Variants in GPC6 observed in about 807,000 individuals in gnomAD.
The protein encoded by GPC6 is glypican 6, also known as glypican-6.
Under a neutral mutation model 55.2 loss-of-function variants are expected in GPC6, and 14 were observed. The ratio of observed to expected loss-of-function variants is 0.25; its 90% CI spans 0.17 to 0.40. GPC6 has a LOEUF of 0.40. GPC6 is among the 10% of genes least tolerant of loss of function. GPC6 has a pLI of 1.00. For missense variants in GPC6, 641 were observed against 708.5 expected (o/e 0.90, Z 1.08); for synonymous variants, 278 against 259.6 (o/e 1.07, Z -0.68).
rs150471148 is a variant in GPC6, at chr13:93,329,635, A to G, written c.160+102019A>G. 7.5e-3 allele frequency among the ~76,000 whole-genome samples: 1,136 copies of G among 152,166 alleles called. 3 individuals carry two copies. Among genetic ancestry groups the G allele is most frequent in the Non-Finnish European group, 0.012 (816 of 67,952 alleles). On this transcript the variant is annotated intron_variant, in intron 1 of 8. Transcript: ENST00000377047. ...GTGGTTTAAAGTGTGGAGAGCCTGG[A>G]TCACTAGTCTTGCAGGAAGAATGGA... is the stretch of plus-strand genomic sequence containing the variant.
In GPC6 at chr13:93,339,972, T is replaced by C. The variant is rs1404162995; in HGVS notation, c.160+112356T>C. Among the ~76,000 whole-genome samples the C allele has an allele frequency of 2.0e-5, 3 of 151,994 alleles. No individual in the cohort carries two copies. In the South Asian group the frequency reaches 6.2e-4, roughly 31 times the overall value. ...AATGTTTATTGTATAAGTGTGCTAATGTATGGTTTAGTTAATAATAATCCA... is the reference window on the plus strand; with the variant it reads ...AATGTTTATTGTATAAGTGTGCTAACGTATGGTTTAGTTAATAATAATCCA... On this transcript the variant is annotated intron_variant, in intron 1 of 8. Transcript: ENST00000377047.
intron 1 of GPC6, among the ~76,000 whole-genome samples, chr13:93,431,644 C>T (rs1220211796): frequency 2.0e-5 from 3 of 151,992 alleles, no homozygotes; most frequent in Non-Finnish European, 4.4e-5. Context: ...TAAAATCTTA[C>T]ATATGACATA....
chr13:93,929,326 T>A (rs1185686931), intron 3 of GPC6, among the ~76,000 whole-genome samples: 1 of 152,236 alleles, frequency 6.6e-6, no homozygotes, highest in African/African-American at 2.4e-5. Flanking sequence ...ACCTTTTCCA[T>A]ACATTTTATG....
At chr13:93,440,503 AT>A (rs1271578592) in intron 1 of GPC6, among the ~76,000 whole-genome samples, 1 of 152,200 alleles carries the variant, frequency 6.6e-6, no homozygotes, top group African/African-American at 2.4e-5. Flanking sequence ...TTATTCCTTA[AT>A]GTCTTACCAA....
chr13:93,456,022 T>C (rs970596722), intron 1 of GPC6, among the ~76,000 whole-genome samples: 1 of 152,204 alleles, frequency 6.6e-6, no homozygotes, highest in East Asian at 1.9e-4. Flanking sequence ...AGTTGATGTG[T>C]TTAGGTGCTA....
rs142516689 is a variant in GPC6, at chr13:94,350,663, GTATCATATTA to G, written c.1153-31747_1153-31738del. Among the ~76,000 whole-genome samples, 616 of 152,166 alleles carry G rather than the reference GTATCATATTA, an allele frequency of 4.0e-3. 9 individuals carry two copies. Among genetic ancestry groups the G allele is most frequent in the African/African-American group, 0.014 (588 of 41,504 alleles). ...TATGATACTCATAATATGTGTGTATGTATCATATTATATATGCAAATATGTTCCCTGGAAA... is the reference window on the plus strand; with the variant it reads ...TATGATACTCATAATATGTGTGTATGTATATGCAAATATGTTCCCTGGAAA... On this transcript the variant is annotated intron_variant, in intron 6 of 8. Transcript: ENST00000377047.
chr13:93,452,967 A>G (rs1277595546), intron 1 of GPC6, among the ~76,000 whole-genome samples: 1 of 152,204 alleles, frequency 6.6e-6, no homozygotes, highest in Non-Finnish European at 1.5e-5. Flanking sequence ...AGCATGACAT[A>G]CCTTTGCACA....
upstream of GPC6, among the ~76,000 whole-genome samples, chr13:93,221,950 T>C (rs1594036614): frequency 6.6e-6 from 1 of 152,338 alleles, no homozygotes; most frequent in East Asian, 1.9e-4. Flanking sequence ...ATTCACCTAT[T>C]ATTTTCATTC....
intron 1 of GPC6, among the ~76,000 whole-genome samples, chr13:93,358,592 G>C (rs1269163669): frequency 1.3e-5 from 2 of 152,100 alleles, no homozygotes; most frequent in Non-Finnish European, 2.9e-5. Flanking sequence ...AACCCATCTT[G>C]AAGCAATTCA....
At chr13:93,713,894 G>T (rs914955533) in intron 2 of GPC6, among the ~76,000 whole-genome samples, 1 of 151,716 alleles carries the variant, frequency 6.6e-6, no homozygotes, top group Non-Finnish European at 1.5e-5. Flanking sequence ...GCAGAAGAAT[G>T]AAATTGGACC....
intron 3 of GPC6, among the ~76,000 whole-genome samples, chr13:93,842,858 A>G (rs1270547447): frequency 1.3e-5 from 2 of 152,088 alleles, no homozygotes; most frequent in African/African-American, 4.8e-5. Context: ...TAAAATCAAT[A>G]TGTGTGTTCA....
chr13:94,055,867 C>G (rs954171224), intron 4 of GPC6, among the ~76,000 whole-genome samples: 1 of 152,138 alleles, frequency 6.6e-6, no homozygotes, highest in African/African-American at 2.4e-5. Flanking sequence ...GCGGGTGTCC[C>G]TGGATGTTTT....
intron 1 of GPC6, among the ~76,000 whole-genome samples, chr13:93,249,346 A>C (rs1374807952): frequency 6.6e-6 from 1 of 152,236 alleles, no homozygotes; most frequent in African/African-American, 2.4e-5. Context: ...ATTTCTGAAA[A>C]TAACACATTT....
intron 4 of GPC6, among the ~76,000 whole-genome samples, chr13:94,101,234 A>G (rs1885845682): frequency 6.6e-6 from 1 of 152,204 alleles, no homozygotes; most frequent in South Asian, 2.1e-4. Context: ...CCTGTGGGAG[A>G]ACCTAATAAG....
chr13:93,511,106 T>G (rs1356379447), intron 1 of GPC6, among the ~76,000 whole-genome samples: 1 of 148,456 alleles, frequency 6.7e-6, no homozygotes, highest in African/African-American at 2.5e-5. Flanking sequence ...CCCTGTCGGA[T>G]GAATAGTTTG....
chr13:94,275,096 C>A (rs1892161931), intron 4 of GPC6, among the ~76,000 whole-genome samples: 1 of 152,040 alleles, frequency 6.6e-6, no homozygotes. Flanking sequence ...AAAAATTATT[C>A]CAATGATTCT....
chr13:93,558,824 G>A (rs1875610109), intron 2 of GPC6, among the ~76,000 whole-genome samples: 1 of 152,198 alleles, frequency 6.6e-6, no homozygotes, highest in Non-Finnish European at 1.5e-5. Context: ...CAGCAGGCAT[G>A]CGGTTTAGAG....
At chr13:94,319,741 G>C (rs540419895) in intron 6 of GPC6, among the ~76,000 whole-genome samples, 15 of 152,154 alleles carry the variant, frequency 9.9e-5, no homozygotes, top group Admixed American at 3.9e-4. Context: ...TGCTGCTGTT[G>C]AGAAGTTTGC....
rs1358365388 is a variant in GPC6 at position 94,018,479 on chromosome 13, T to TG, written c.712-9246dup. 9.2e-5 allele frequency among the ~76,000 whole-genome samples: 14 copies of TG among 152,106 alleles called. 1 individual carries two copies. The highest frequency in any genetic ancestry group is 1.5e-4 in the Non-Finnish European group (10 of 67,982). On this transcript the variant is annotated intron_variant, in intron 3 of 8. Coordinates refer to ENST00000377047, the MANE Select transcript of GPC6 (RefSeq NM_005708.5). ...TAATTGTTTTTGTTTTTAGTAGAGA[T>TG]GGGGTTTCACCATGTTGGCCAGGCT...
Sources: allele counts gnomAD v4.1 joint callset (sites outside exome capture counted in the v4.1 genomes callset), GRCh38; gene constraint gnomAD v4.1.1; transcripts MANE v1.5; gene names NCBI Gene and HGNC (gene_info 2026-07-23, HGNC 2026-07-21).